The following DIP2A variants were observed in gnomAD, a reference collection of about 807,000 sequenced individuals.
DIP2A encodes the protein disco-interacting protein 2 homolog A.
A neutral mutation model predicts 177.4 loss-of-function variants in DIP2A; 85 were observed. The observed-to-expected ratio is 0.48, with a 90% CI of 0.40 to 0.57. The LOEUF (loss-of-function observed/expected upper bound fraction) is 0.57, where lower values mean the gene tolerates loss of function less well. Ranked by LOEUF, DIP2A falls within the 20% of genes least tolerant of loss-of-function variation. The pLI, the probability that DIP2A is intolerant of heterozygous loss-of-function variation, is 0.00. For missense variants in DIP2A, 1,791 were observed against 2,100.2 expected, an observed-to-expected ratio of 0.85 and a Z score of 2.88; for synonymous variants, 886 against 881.8, an observed-to-expected ratio of 1.00 and a Z score of -0.08.
At chr21:46,530,968 T>G (rs2059331508) in intron 9 of DIP2A, among the ~76,000 whole-genome samples, 3 of 152,126 alleles carry the variant, frequency 2.0e-5, no homozygotes, top group Admixed American at 2.0e-4. Context: ...TCAACAGATT[T>G]GAGAATAGTA....
chr21:46,468,813 A>G (rs2055093324), intron 1 of DIP2A, among the ~76,000 whole-genome samples: 1 of 152,222 alleles, frequency 6.6e-6, no homozygotes, highest in Non-Finnish European at 1.5e-5. Flanking sequence ...AAATTTATAT[A>G]TTAAATATGC....
chr21:46,516,488 CTTTT>C lies in DIP2A; in HGVS notation c.1102+4892_1102+4895del, dbSNP rs1158910021. Among the ~76,000 whole-genome samples the C allele has an allele frequency of 1.6e-3, 121 of 76,366 alleles. 2 individuals are homozygous for C. The highest frequency in any genetic ancestry group is 5.1e-3 in the African/African-American group (114 of 22,506). 50.1% of individuals were successfully genotyped at this position (76,366 alleles called of 152,430 possible). On this transcript the variant is annotated intron_variant, in intron 8 of 37. Transcript: ENST00000417564. Reference sequence around the variant, plus strand: ...TCTTTAATCTTGTCTTCTGAAATTTCTTTTTTTTTTTTTTTTTTTTTGAGATGGA... The same window carrying C: ...TCTTTAATCTTGTCTTCTGAAATTTCTTTTTTTTTTTTTTTTTGAGATGGA...
rs539660294 is a variant in DIP2A at position 46,498,326 on chromosome 21, T to C, written c.404-256T>C. Among the ~76,000 whole-genome samples the C allele has an allele frequency of 2.0e-5, 3 of 152,282 alleles. No homozygotes were observed. The South Asian group carries it at 6.2e-4, about 32-fold the overall frequency. On this transcript the variant is annotated intron_variant, in intron 4 of 37. Transcript: ENST00000417564. This position sits in a 1 kb window ranked among gnomAD's most constrained non-coding sequence, Gnocchi z 4.3. ...GATCAGAGGCTGTCTTCACTGAGTG[T>C]GTCTGGTACCCTGTGGCTGAGTTCT...
chr21:46,511,363 ATGTG>A, intron 7 of DIP2A, 50 bp from the exon 8 acceptor site: 1 of 1,499,342 alleles, frequency 6.7e-7, no homozygotes, highest in African/African-American at 1.4e-5. Flanking sequence ...TAAAAACAGA[ATGTG>A]TTCGTGGTGC....
chr21:46,558,599 G>GA (rs923306794), intron 32 of DIP2A: 211 of 597,500 alleles, frequency 3.5e-4, no homozygotes, highest in African/African-American at 5.4e-4. Context: ...GGCTTATTTG[G>GA]AAAAAAAACA....
chr21:46,543,829 C>T (rs2059923538), intron 18 of DIP2A, among the ~76,000 whole-genome samples: 1 of 152,126 alleles, frequency 6.6e-6, no homozygotes, highest in Admixed American at 6.6e-5. Flanking sequence ...ACAAGCACCA[C>T]CTTCCACATC....
At position 46,565,883 on chromosome 21, in the gene DIP2A, T is replaced by C; in HGVS notation, c.4335T>C (p.Ser1445=). ...GGCGAACAGAGCTCACTGATGCCAG[T>C]GGAGGTGAGGGGTTGTGGTGAAGCC... is the stretch of plus-strand genomic sequence containing the variant. ...FLRRTELTDA[S]GGRHDALYVV... Residue 1445 remains serine (S), a synonymous_variant, in exon 36 of 38, where the codon AGT becomes AGC. Coordinates refer to ENST00000417564, the MANE Select transcript of DIP2A (RefSeq NM_015151.4). The C allele has an allele frequency of 6.2e-7, 1 of 1,613,852 alleles. No individual in the cohort carries two copies. Among genetic ancestry groups the C allele is most frequent in the Middle Eastern group, 1.7e-4 (1 of 5,956 alleles).
In DIP2A at chr21:46,546,897, G is replaced by C. The variant is rs2839318; in HGVS notation, c.2395-18G>C. 0.2 allele frequency: 315,357 copies of C among 1,612,150 alleles called. 32,734 individuals carry two copies. Among genetic ancestry groups the C allele is most frequent in the African/African-American group, 0.24 (17,824 of 74,926 alleles). ...CTGCCCGTGTGGGTGGAGTCTTGAC[G>C]CACACCCTTTCCCTCAGGACAACCT... On this transcript the variant is annotated intron_variant, in intron 20 of 37. Coordinates refer to ENST00000417564, the MANE Select transcript of DIP2A (RefSeq NM_015151.4).
chr21:46,500,975 C>G (rs1434708756), intron 5 of DIP2A, among the ~76,000 whole-genome samples: 1 of 152,178 alleles, frequency 6.6e-6, no homozygotes, highest in Non-Finnish European at 1.5e-5. Context: ...AAAAAAAATT[C>G]TTAACTTGGA....
intron 8 of DIP2A, among the ~76,000 whole-genome samples, chr21:46,519,418 C>T (rs923611795): frequency 1.3e-5 from 2 of 152,194 alleles, no homozygotes; most frequent in African/African-American, 2.4e-5. Flanking sequence ...ACGCCTCTGA[C>T]ATATTTCCCC....
At chr21:46,519,817 C>G (rs2058738982) in intron 8 of DIP2A, among the ~76,000 whole-genome samples, 1 of 140,372 alleles carries the variant, frequency 7.1e-6, no homozygotes, top group South Asian at 2.3e-4. Context: ...GGATTGCTAG[C>G]TGATTCCAGT....
intron 13 of DIP2A, among the ~76,000 whole-genome samples, chr21:46,535,693 G>C (rs1569059299): frequency 6.6e-6 from 1 of 152,168 alleles, no homozygotes; most frequent in Non-Finnish European, 1.5e-5. Flanking sequence ...TTTTTTAAGG[G>C]CTTTATTAAA....
At chr21:46,506,525 C>T (rs939776808) in intron 6 of DIP2A, among the ~76,000 whole-genome samples, 1 of 152,138 alleles carries the variant, frequency 6.6e-6, no homozygotes. Context: ...CCCTTTCCAA[C>T]AGTTGGTATT....
the DIP2A span, among the ~76,000 whole-genome samples, chr21:46,576,385 T>C: frequency 7.9e-5 from 12 of 152,226 alleles, no homozygotes; most frequent in African/African-American, 1.2e-4. Context: ...TTTGGTTTTC[T>C]GTTCCTGCGT....
intron 2 of DIP2A, among the ~76,000 whole-genome samples, chr21:46,487,593 T>C (rs1039135385): frequency 6.6e-6 from 1 of 152,198 alleles, no homozygotes; most frequent in Non-Finnish European, 1.5e-5. Flanking sequence ...CCTCAAAAAC[T>C]CATGTGACTG....
At position 46,498,875 on chromosome 21, in the gene DIP2A, G is replaced by A; in HGVS notation, c.655+42G>A. 1 of 1,564,774 alleles carries A rather than the reference G, an allele frequency of 6.4e-7. No individual in the cohort carries two copies. The highest frequency in any genetic ancestry group is 2.3e-5 in the East Asian group (1 of 44,036). On this transcript the variant is annotated intron_variant, in intron 5 of 37. Transcript: ENST00000417564. The surrounding 1 kb of genome is among the most constrained non-coding windows in gnomAD (Gnocchi z 4.3). ...TGCGGCCCCTGTGCCAGCAGAGCGGGGTCAGGAGTGTCCAGGACAGAGGAG... is the reference window on the plus strand; with the variant it reads ...TGCGGCCCCTGTGCCAGCAGAGCGGAGTCAGGAGTGTCCAGGACAGAGGAG...
At chr21:46,495,640 A>T (rs907598931) in intron 3 of DIP2A, among the ~76,000 whole-genome samples, 2 of 147,804 alleles carry the variant, frequency 1.4e-5, no homozygotes, top group African/African-American at 2.5e-5. Context: ...TTGGGTTCTC[A>T]CTCTGTCACC....
At chr21:46,482,068 CA>C (rs1170845041) in intron 1 of DIP2A, among the ~76,000 whole-genome samples, 4 of 151,928 alleles carry the variant, frequency 2.6e-5, no homozygotes, top group Non-Finnish European at 5.9e-5. Flanking sequence ...AAAACAAAAA[CA>C]AAAAACAGTA....
chr21:46,525,162 C>T (rs2148710522), intron 8 of DIP2A, among the ~76,000 whole-genome samples: 1 of 147,550 alleles, frequency 6.8e-6, no homozygotes, highest in East Asian at 2.0e-4. Context: ...GCTGGGATTA[C>T]AGTTGTGAGC....
Sources: allele counts gnomAD v4.1 joint callset (sites outside exome capture counted in the v4.1 genomes callset), GRCh38; gene constraint gnomAD v4.1.1; non-coding constraint Gnocchi (gnomAD v3.1); transcripts MANE v1.5; gene names NCBI Gene and HGNC (gene_info 2026-07-23, HGNC 2026-07-21).